Variants in SLC28A1 observed in about 807,000 individuals in gnomAD.
The protein encoded by SLC28A1 is sodium/nucleoside cotransporter 1.
Under a neutral mutation model 74.8 loss-of-function variants are expected in SLC28A1, and 64 were observed. The ratio of observed to expected loss-of-function variants is 0.86; its 90% CI spans 0.70 to 1.05. The LOEUF is 1.05. SLC28A1 is among the 50% of genes least tolerant of loss of function. SLC28A1 has a pLI of 0.00. For missense variants in SLC28A1, 828 were observed against 822.8 expected, an observed-to-expected ratio of 1.01 and a Z score of -0.08; for synonymous variants, 359 against 335.0, an observed-to-expected ratio of 1.07 and a Z score of -0.78.
chr15:84,946,725 G>C (rs73441970), downstream of SLC28A1, among the ~76,000 whole-genome samples: 1,556 of 152,084 alleles, frequency 0.01, 23 homozygotes, highest in African/African-American at 0.027. Context: ...CACCTCCCTC[G>C]CTGCCTTTCC....
At position 84,921,680 on chromosome 15, in the gene SLC28A1, G is replaced by A. The variant is rs144547094; in HGVS notation, c.957+611G>A. ...GGTTAGAAGATGCCATATTTCACTG[G>A]ACAGTTTAGGAAACTTTGGAGAATA... On this transcript the variant is annotated intron_variant, in intron 11 of 18. Coordinates refer to ENST00000394573, the MANE Select transcript of SLC28A1 (RefSeq NM_004213.5). Among the ~76,000 whole-genome samples the A allele has an allele frequency of 4.6e-5, 7 of 152,276 alleles. No individual in the cohort carries two copies. The East Asian group carries it at 9.7e-4, about 21-fold the overall frequency.
At chr15:84,930,687 C>T (rs1971165134) in intron 12 of SLC28A1, among the ~76,000 whole-genome samples, 1 of 147,090 alleles carries the variant, frequency 6.8e-6, no homozygotes, top group South Asian at 2.1e-4. Flanking sequence ...CTCACTGCAA[C>T]CTCTGCCTCC....
chr15:84,894,855 G>C, intron 5 of SLC28A1, 85 bp from the exon 6 acceptor site: 1 of 1,332,376 alleles, frequency 7.5e-7, no homozygotes, highest in South Asian at 1.2e-5. Flanking sequence ...TCTGGGTGGA[G>C]TAAGGTGGAG....
At chr15:84,943,623 G>C (rs1972969795) in intron 16 of SLC28A1, 97 bp downstream of exon 16, 2 of 995,536 alleles carry the variant, frequency 2.0e-6, no homozygotes, top group South Asian at 2.6e-5. Context: ...GTCTAAAGCA[G>C]GACCCAAACA....
rs1397327486 is a variant in SLC28A1 at position 84,888,872 on chromosome 15, C to T, written c.185+12C>T. On this transcript the variant is annotated intron_variant, in intron 4 of 18. Coordinates refer to ENST00000394573, the MANE Select transcript of SLC28A1 (RefSeq NM_004213.5). ...CCCTTCTCCAGATGGTAGGTGATCT[C>T]TGGAGAGACAAGGGCGGGCCTGGGG... 1 of 1,544,006 alleles carries T rather than the reference C, an allele frequency of 6.5e-7. No homozygotes were observed. Among genetic ancestry groups the T allele is most frequent in the East Asian group, 2.4e-5 (1 of 40,880 alleles).
At chr15:84,889,693 TTTCCTTCCTTCCTTCTTTCC>T (rs1277252609) in intron 4 of SLC28A1, among the ~76,000 whole-genome samples, 8 of 26,296 alleles carry the variant, frequency 3.0e-4, no homozygotes, top group East Asian at 2.5e-3. Context: ...TCCTTCCTTC[TTTCCTTCCTTCCTTCTTTCC>T]TTCCTTCCTT....
chr15:84,933,270 C>T lies in SLC28A1; in HGVS notation c.1209C>T (p.Thr403=). 1 of 1,612,902 alleles carries T rather than the reference C, an allele frequency of 6.2e-7. No homozygotes were observed. Among genetic ancestry groups the T allele is most frequent in the Non-Finnish European group, 8.5e-7 (1 of 1,179,384 alleles). ...KFRREEGVKL[T]YGDAQNLIEA... The stretch of plus-strand genomic sequence containing the variant: ...GGAGGGAGGAAGGAGTGAAACTGAC[C>T]TATGGGTGAGCACAGCAGGAGGTCC... Residue 403 remains threonine (T), a synonymous_variant, in exon 13 of 19, where the codon ACC becomes ACT. Transcript: ENST00000394573.
rs779912364 is a variant in SLC28A1, at chr15:84,894,940, G to A, written c.278G>A (p.Gly93Glu). The A allele has an allele frequency of 1.2e-6, 2 of 1,614,092 alleles. No homozygotes were observed. The highest frequency in any genetic ancestry group is 1.7e-6 in the Non-Finnish European group (2 of 1,180,020). Residue 93 changes from glycine (G) to glutamate (E), a missense_variant and splice_region_variant, in exon 6 of 19, where the codon GGG becomes GAG. Around this residue, in one of 3 missense-constraint regions of SLC28A1, gnomAD observed 767 missense variants for 753.5 expected, o/e 1.02. Transcript: ENST00000394573. ...ACCCCTCCTCTGTCTCATCCCCCAGGGCTCTCTGCCTTCCTGCTGGTGGCC... is the reference window on the plus strand; with the variant it reads ...ACCCCTCCTCTGTCTCATCCCCCAGAGCTCTCTGCCTTCCTGCTGGTGGCC... ...RWIGTGLLCTGLSAFLLVACL... is the reference protein window; with the variant it reads ...RWIGTGLLCTELSAFLLVACL...
At chr15:84,894,850 G>A (rs953301645) in intron 5 of SLC28A1, 90 bp from the exon 6 acceptor site, 3 of 1,277,896 alleles carry the variant, frequency 2.3e-6, no homozygotes, top group South Asian at 2.4e-5. Flanking sequence ...CACGCTCTGG[G>A]TGGAGTAAGG....
At position 84,928,565 on chromosome 15, in the gene SLC28A1, TC is replaced by T. The variant is rs1567172081; in HGVS notation, c.1083+4456del. ...TTCTTTCTTTCTTTCTTTCTTTCTT[TC>T]TTTCTTTCTTTCTTTCTTTCTTTCT... On this transcript the variant is annotated intron_variant, in intron 12 of 18. Transcript: ENST00000394573. 1.6e-3 allele frequency among the ~76,000 whole-genome samples: 29 copies of T among 18,610 alleles called. 1 individual carries two copies. The highest frequency in any genetic ancestry group is 7.7e-3 in the African/African-American group (29 of 3,786). 12.2% of individuals were successfully genotyped at this position (18,610 alleles called of 152,430 possible).
intron 9 of SLC28A1, among the ~76,000 whole-genome samples, chr15:84,912,745 G>A (rs149125667): frequency 2.7e-4 from 41 of 150,868 alleles, no homozygotes; most frequent in South Asian, 2.5e-3. Context: ...TGAGAGTTTC[G>A]GGATGTCTGA....
At chr15:84,956,439 C>CT in the SLC28A1 span, among the ~76,000 whole-genome samples, 17 of 102,882 alleles carry the variant, frequency 1.7e-4, no homozygotes, top group African/African-American at 5.0e-4. Flanking sequence ...CTCTTCCTTC[C>CT]TTCCTTTCTT....
rs547589804 is a variant in SLC28A1 at position 84,910,332 on chromosome 15, C to T, written c.795+1537C>T. On this transcript the variant is annotated intron_variant, in intron 9 of 18. Coordinates refer to ENST00000394573, the MANE Select transcript of SLC28A1 (RefSeq NM_004213.5). ...CTCCCTTACCTTTGCATAACCAATG[C>T]GGGGGTACCCGAAGTTTCAGAAAAG... is the stretch of plus-strand genomic sequence containing the variant. Among the ~76,000 whole-genome samples the T allele has an allele frequency of 1.9e-4, 29 of 152,318 alleles. No homozygotes were observed. In the South Asian group the frequency reaches 4.8e-3, roughly 25 times the overall value.
chr15:84,947,828 T>C (rs1166580201), downstream of SLC28A1, among the ~76,000 whole-genome samples: 1 of 152,186 alleles, frequency 6.6e-6, no homozygotes, highest in East Asian at 1.9e-4. Flanking sequence ...TTTCAGCATA[T>C]GAACTTTGAG....
At chr15:84,906,573 TCTTCCTTCCTTCCTTCCTTCCTTC>T (rs71135327) in intron 8 of SLC28A1, among the ~76,000 whole-genome samples, 24 of 98,066 alleles carry the variant, frequency 2.4e-4, no homozygotes, top group Non-Finnish European at 4.1e-4. Flanking sequence ...TCTCTTTCTT[TCTTCCTTCCTTCCTTCCTTCCTTC>T]CTTCCTTCCT....
chr15:84,891,121 G>A (rs890554174), intron 5 of SLC28A1, among the ~76,000 whole-genome samples: 5 of 152,164 alleles, frequency 3.3e-5, no homozygotes, highest in Non-Finnish European at 7.4e-5. Flanking sequence ...GCCAGAGAGA[G>A]CCACTGAAGG....
intron 5 of SLC28A1, among the ~76,000 whole-genome samples, chr15:84,892,659 A>G (rs931441952): frequency 2.0e-5 from 3 of 152,150 alleles, no homozygotes; most frequent in Non-Finnish European, 2.9e-5. Flanking sequence ...TCTTTATTAC[A>G]TCACCTCTTT....
intron 6 of SLC28A1, among the ~76,000 whole-genome samples, chr15:84,901,031 G>C (rs1443298647): frequency 6.6e-6 from 1 of 151,708 alleles, no homozygotes; most frequent in Non-Finnish European, 1.5e-5. Flanking sequence ...GGACCAGCCT[G>C]ACCAACAGAG....
chr15:84,970,874 A>C, the SLC28A1 span, among the ~76,000 whole-genome samples: 1 of 152,122 alleles, frequency 6.6e-6, no homozygotes, highest in Non-Finnish European at 1.5e-5. Flanking sequence ...AAACAAAAAA[A>C]TATAAAATCA....
Sources: gnomAD v4.1 joint callset for allele counts (sites outside exome capture counted in the v4.1 genomes callset) on GRCh38, gnomAD v4.1.1 for gene constraint, gnomAD v4.1.1 regional missense constraint, MANE v1.5 for transcripts, NCBI Gene and HGNC (gene_info 2026-07-23, HGNC 2026-07-21) for gene names.